Variants in KSR1 observed in about 807,000 individuals in gnomAD.
KSR1 encodes the protein kinase suppressor of ras 1.
A neutral mutation model predicts 92.9 loss-of-function variants in KSR1; 35 were observed. That is an observed-to-expected ratio of 0.38 (90% confidence interval 0.29 to 0.50). The LOEUF (loss-of-function observed/expected upper bound fraction) is 0.50, where lower values mean the gene tolerates loss of function less well. KSR1 is among the 20% of genes least tolerant of loss of function. The probability of loss-of-function intolerance (pLI) is 0.94; values close to 1 mark genes in which losing one functional copy is unlikely to be tolerated. For missense variants in KSR1, 972 were observed against 1,158.5 expected (o/e 0.84, Z 2.34); for synonymous variants, 467 against 472.6 (o/e 0.99, Z 0.15).
intron 2 of KSR1, among the ~76,000 whole-genome samples, chr17:27,571,329 C>T (rs1372250632): frequency 6.6e-6 from 1 of 152,208 alleles, no homozygotes; most frequent in East Asian, 1.9e-4. Flanking sequence ...TGTTACTATC[C>T]AAGTCTCACT....
chr17:27,505,352 C>T (rs2069341331), intron 1 of KSR1, among the ~76,000 whole-genome samples: 1 of 152,206 alleles, frequency 6.6e-6, no homozygotes, highest in African/African-American at 2.4e-5. Context: ...ATGCATGCTT[C>T]CTGTGACTCT....
intron 1 of KSR1, among the ~76,000 whole-genome samples, chr17:27,489,886 A>G (rs1348033042): frequency 6.6e-6 from 1 of 152,242 alleles, no homozygotes; most frequent in East Asian, 1.9e-4. Context: ...TGCGTTCTCA[A>G]AAATGACAGT....
rs759272239 is a variant in KSR1, at chr17:27,607,927, C to T, written c.2008C>T (p.Arg670Trp). Residue 670 changes from arginine to tryptophan, a missense_variant, in exon 15 of 21, where the codon CGG (arginine) becomes TGG (tryptophan). This residue lies in a region of KSR1 where 260 missense variants were observed against 375.2 expected (regional missense o/e 0.69). Coordinates refer to ENST00000644974, the MANE Select transcript of KSR1 (RefSeq NM_001394583.1). ...CACCCTCGACAGCTTCTGCAAGGGGCGGACGTTGCACTCGTTTGTGAGGGA... is the reference window on the plus strand; with the variant it reads ...CACCCTCGACAGCTTCTGCAAGGGGTGGACGTTGCACTCGTTTGTGAGGGA... Reference protein sequence around the residue: ...LAIITSFCKGRTLHSFVRDPK... With the variant: ...LAIITSFCKGWTLHSFVRDPK... 1.2e-5 allele frequency: 19 copies of T among 1,607,552 alleles called. No individual in the cohort carries two copies. The highest frequency in any genetic ancestry group is 1.4e-5 in the Non-Finnish European group (17 of 1,177,000).
chr17:27,592,319 C>G (rs144807071), intron 7 of KSR1, 42 bp from the exon 8 acceptor site: 49 of 1,564,134 alleles, frequency 3.1e-5, no homozygotes, highest in East Asian at 2.0e-4. Flanking sequence ...CCTGAGCCCC[C>G]CCATGTGGTG....
chr17:27,539,551 C>T (rs950821098), intron 1 of KSR1, among the ~76,000 whole-genome samples: 3 of 152,182 alleles, frequency 2.0e-5, no homozygotes, highest in Non-Finnish European at 2.9e-5. Context: ...CGCTTACGAC[C>T]GTTGTCCTTG....
At chr17:27,557,829 C>T (rs571077490) in intron 2 of KSR1, among the ~76,000 whole-genome samples, 1 of 152,144 alleles carries the variant, frequency 6.6e-6, no homozygotes, top group Non-Finnish European at 1.5e-5. Context: ...TGTCTGCCCT[C>T]CTGTAAGTTG....
Position 27,559,286 on chromosome 17 carries a change from G to A in KSR1, c.372+8578G>A, listed in dbSNP as rs897797141. ...CCCTCTGCGGCTCCGAGCCTGCTGC[G>A]GCGCTGCATGCCTGACCTTTGGTTC... On this transcript the variant is annotated intron_variant, in intron 2 of 20. Transcript: ENST00000644974. The surrounding 1 kb of genome is among the most constrained non-coding windows in gnomAD (Gnocchi z 4.2). Among the ~76,000 whole-genome samples the A allele has an allele frequency of 6.6e-6, 1 of 152,164 alleles. No homozygotes were observed. Among genetic ancestry groups the A allele is most frequent in the Non-Finnish European group, 1.5e-5 (1 of 68,028 alleles).
chr17:27,490,640 C>G (rs545175885), intron 1 of KSR1, among the ~76,000 whole-genome samples: 23 of 152,282 alleles, frequency 1.5e-4, no homozygotes, highest in African/African-American at 5.5e-4. Flanking sequence ...GAGCAGTTTG[C>G]AACTCTAATA....
At chr17:27,473,177 A>T (rs1462744013) in intron 1 of KSR1, among the ~76,000 whole-genome samples, 1 of 152,242 alleles carries the variant, frequency 6.6e-6, no homozygotes, top group African/African-American at 2.4e-5. Context: ...GCCCAAAGTC[A>T]CACAGTAACT....
At chr17:27,494,620 G>A (rs1013435172) in intron 1 of KSR1, among the ~76,000 whole-genome samples, 8 of 152,226 alleles carry the variant, frequency 5.3e-5, no homozygotes, top group African/African-American at 1.9e-4. Context: ...CCGGGGACAA[G>A]TACGAACAGG....
At chr17:27,513,322 G>A (rs1246890834) in intron 1 of KSR1, among the ~76,000 whole-genome samples, 2 of 152,128 alleles carry the variant, frequency 1.3e-5, no homozygotes, top group African/African-American at 4.8e-5. Flanking sequence ...TAGATGCGGT[G>A]GCTCATGTCT....
intron 1 of KSR1, among the ~76,000 whole-genome samples, chr17:27,457,757 C>G (rs184368697): frequency 7.2e-5 from 11 of 152,250 alleles, no homozygotes; most frequent in Non-Finnish European, 1.5e-4. Context: ...GTGATTTTGG[C>G]CAGGGACGGG....
At chr17:27,520,727 C>T (rs1476571309) in intron 1 of KSR1, among the ~76,000 whole-genome samples, 2 of 152,198 alleles carry the variant, frequency 1.3e-5, no homozygotes, top group Non-Finnish European at 2.9e-5. Context: ...TTTCCCAGGC[C>T]CCGCTGCCTC....
chr17:27,499,174 A>T (rs1597887259), intron 1 of KSR1, among the ~76,000 whole-genome samples: 1 of 152,210 alleles, frequency 6.6e-6, no homozygotes, highest in African/African-American at 2.4e-5. Flanking sequence ...GCAATACACC[A>T]TTAACTCAGG....
chr17:27,601,467 G>T (rs1460994802), intron 11 of KSR1, 66 bp downstream of exon 11: 2 of 1,408,872 alleles, frequency 1.4e-6, no homozygotes, highest in Middle Eastern at 1.8e-4. Context: ...GCCCACCTGG[G>T]CAGGGCGCCC....
rs184769229 is a variant in KSR1, at chr17:27,513,343, C to T, written c.232-37225C>T. Among the ~76,000 whole-genome samples, 18 of 152,180 alleles carry T rather than the reference C, an allele frequency of 1.2e-4. No individual in the cohort carries two copies. In the East Asian group the frequency reaches 2.7e-3, roughly 23 times the overall value. ...CGGTGGCTCATGTCTGTAATTCTGA[C>T]ACTTTGGGAGTCTGAGGCAGGAGGA... On this transcript the variant is annotated intron_variant, in intron 1 of 20. Coordinates refer to ENST00000644974, the MANE Select transcript of KSR1 (RefSeq NM_001394583.1).
Position 27,583,112 on chromosome 17 carries a change from G to A in KSR1, c.980+7G>A. The A allele has an allele frequency of 3.3e-6, 5 of 1,520,862 alleles. No individual in the cohort carries two copies. The highest frequency in any genetic ancestry group is 4.4e-6 in the Non-Finnish European group (5 of 1,130,794). The allele number at this position is 1,520,862 out of a possible 1,614,324, so 94.2% of individuals were successfully genotyped here. On this transcript the variant is annotated splice_region_variant and intron_variant, in intron 4 of 20. Transcript: ENST00000644974. ...ATGACGTCTCCTCGATGAGGTGAGT[G>A]CTCCTTCTGGGCAGCTACCAAAAGT...
intron 1 of KSR1, among the ~76,000 whole-genome samples, chr17:27,480,426 C>T (rs1221545107): frequency 6.6e-6 from 1 of 152,100 alleles, no homozygotes; most frequent in African/African-American, 2.4e-5. Flanking sequence ...AAGACAGAGT[C>T]TTGCTCTGTT....
At chr17:27,609,520 A>T (rs561195524) in intron 16 of KSR1, among the ~76,000 whole-genome samples, 191 bp downstream of exon 16, 1 of 152,272 alleles carries the variant, frequency 6.6e-6, no homozygotes, top group South Asian at 2.1e-4. Context: ...TCTCAGGCCG[A>T]CTTCCACGGA....
Sources: gnomAD v4.1 joint callset for allele counts (sites outside exome capture counted in the v4.1 genomes callset) on GRCh38, gnomAD v4.1.1 for gene constraint, gnomAD v4.1.1 regional missense constraint, Gnocchi (gnomAD v3.1) non-coding constraint, MANE v1.5 for transcripts, NCBI Gene and HGNC (gene_info 2026-07-23, HGNC 2026-07-21) for gene names.